Variants in WWTR1 observed in about 807,000 individuals in gnomAD.
WWTR1 encodes the protein WW domain containing transcription regulator 1, also known as WW domain-containing transcription regulator protein 1.
In WWTR1, 13 loss-of-function variants were observed where a neutral mutation model predicts 40.1. The ratio of observed to expected loss-of-function variants is 0.32; its 90% CI spans 0.21 to 0.52. The LOEUF is 0.52. Among genes scored for constraint, WWTR1 ranks in the 20% least tolerant of loss-of-function variants. The pLI, the probability that WWTR1 is intolerant of heterozygous loss-of-function variation, is 0.97. For synonymous variants in WWTR1, 230 were observed against 210.1 expected, an observed-to-expected ratio of 1.09 and a Z score of -0.82; for missense variants, 436 against 523.1, an observed-to-expected ratio of 0.83 and a Z score of 1.63.
upstream of WWTR1, among the ~76,000 whole-genome samples, chr3:149,705,079 T>C (rs181438706): frequency 3.9e-5 from 6 of 152,024 alleles, no homozygotes; most frequent in Non-Finnish European, 7.4e-5. Context: ...ACAGTTTATA[T>C]GATAAAGTTG....
At chr3:149,604,338 G>A (rs887007043) in intron 2 of WWTR1, among the ~76,000 whole-genome samples, 1 of 152,178 alleles carries the variant, frequency 6.6e-6, no homozygotes, top group Non-Finnish European at 1.5e-5. Flanking sequence ...GAAGGAGCTT[G>A]CACAGGACTT....
rs151197493 is a variant in WWTR1 at position 149,685,173 on chromosome 3, A to G, written c.-107-15282T>C. On this transcript the variant is annotated intron_variant, in intron 1 of 7. Coordinates refer to the WWTR1 transcript ENST00000465804. The stretch of plus-strand genomic sequence containing the variant: ...TACAAACCACTAATTTAGCTGTTCA[A>G]CCAGAACTCTCAGGACAAAGAATGG... 1.2e-4 allele frequency among the ~76,000 whole-genome samples: 19 copies of G among 152,250 alleles called. No individual in the cohort carries two copies. In the East Asian group the frequency reaches 3.3e-3, roughly 26 times the overall value.
At chr3:149,657,705 C>G (rs1713334458) in intron 1 of WWTR1, 60 bp downstream of exon 1, 2 of 184,824 alleles carry the variant, frequency 1.1e-5, no homozygotes, top group Admixed American at 1.1e-4. Flanking sequence ...TCCGGAAGCC[C>G]GAGGAGCCTG....
chr3:149,697,324 A>G (rs1715026855), intron 1 of WWTR1, among the ~76,000 whole-genome samples: 2 of 152,146 alleles, frequency 1.3e-5, no homozygotes, highest in Non-Finnish European at 2.9e-5. Flanking sequence ...AGTCTTTTAA[A>G]CAAACAGATC....
chr3:149,554,510 C>G (rs1402327653), intron 3 of WWTR1, among the ~76,000 whole-genome samples: 1 of 152,150 alleles, frequency 6.6e-6, no homozygotes, highest in Non-Finnish European at 1.5e-5. Context: ...TCTCCTTTTT[C>G]AGGTGTAAAA....
At chr3:149,639,514 T>C (rs1308577124) in intron 2 of WWTR1, among the ~76,000 whole-genome samples, 2 of 152,200 alleles carry the variant, frequency 1.3e-5, no homozygotes, top group Admixed American at 6.5e-5. Flanking sequence ...TAAAGTTACC[T>C]CTTCTATTTT....
intron 2 of WWTR1, among the ~76,000 whole-genome samples, chr3:149,603,545 T>TCC (rs1739346481): frequency 2.2e-5 from 3 of 136,654 alleles, no homozygotes; most frequent in African/African-American, 9.5e-5. Flanking sequence ...TTACAAAGGT[T>TCC]CCCCACCCCC....
intron 2 of WWTR1, among the ~76,000 whole-genome samples, chr3:149,631,575 C>T (rs1711552044): frequency 6.6e-6 from 1 of 152,198 alleles, no homozygotes; most frequent in African/African-American, 2.4e-5. Context: ...TCTGGCATAA[C>T]TACTTTCAGG....
intron 2 of WWTR1, among the ~76,000 whole-genome samples, chr3:149,618,203 T>C (rs1740096072): frequency 6.6e-6 from 1 of 152,190 alleles, no homozygotes; most frequent in African/African-American, 2.4e-5. Flanking sequence ...AATAAGACAT[T>C]CGAAGGACTG....
At chr3:149,629,984 C>T (rs1423916749) in intron 2 of WWTR1, among the ~76,000 whole-genome samples, 3 of 152,050 alleles carry the variant, frequency 2.0e-5, no homozygotes, top group East Asian at 3.9e-4. Context: ...GTAGCTGGGA[C>T]TACAGACACA....
chr3:149,657,525 T>G, intron 1 of WWTR1: 1 of 589,648 alleles, frequency 1.7e-6, no homozygotes, highest in Non-Finnish European at 2.9e-6. Flanking sequence ...TGCAACTTTC[T>G]TGAAGCAAAG....
At chr3:149,574,027 T>C (rs931667346) in intron 2 of WWTR1, among the ~76,000 whole-genome samples, 22 of 151,968 alleles carry the variant, frequency 1.4e-4, no homozygotes, top group African/African-American at 5.1e-4. Flanking sequence ...TTCTCCTCCT[T>C]CTCCTTCTTT....
At chr3:149,584,708 A>G (rs1738330554) in intron 2 of WWTR1, among the ~76,000 whole-genome samples, 1 of 152,196 alleles carries the variant, frequency 6.6e-6, no homozygotes, top group Non-Finnish European at 1.5e-5. Context: ...TGGCATCTTC[A>G]GTCGAAAATA....
intron 2 of WWTR1, among the ~76,000 whole-genome samples, chr3:149,639,052 A>T (rs947105175): frequency 6.6e-6 from 1 of 152,218 alleles, no homozygotes; most frequent in Non-Finnish European, 1.5e-5. Flanking sequence ...AAACAATGCC[A>T]CTTAAAGACA....
At chr3:149,696,523 A>G (rs1714996698) in intron 1 of WWTR1, among the ~76,000 whole-genome samples, 1 of 152,212 alleles carries the variant, frequency 6.6e-6, no homozygotes, top group Admixed American at 6.5e-5. Context: ...GGTTATAACA[A>G]TGCCCTGTAC....
At chr3:149,594,281 T>C (rs553125800) in intron 2 of WWTR1, among the ~76,000 whole-genome samples, 46 of 152,344 alleles carry the variant, frequency 3.0e-4, no homozygotes, top group African/African-American at 1.1e-3. Context: ...TCTGAACTTA[T>C]TCTGGTTTAG....
At chr3:149,540,213 C>T in intron 4 of WWTR1, 4 of 456,624 alleles carry the variant, frequency 8.8e-6, no homozygotes, top group South Asian at 6.2e-5. Context: ...TGCAATTGCT[C>T]ACTATGATGC....
At chr3:149,611,440 C>A (rs1470249285) in intron 2 of WWTR1, among the ~76,000 whole-genome samples, 1 of 152,190 alleles carries the variant, frequency 6.6e-6, no homozygotes, top group African/African-American at 2.4e-5. Context: ...GACCATGTGT[C>A]TGGCAAAGCC....
intron 3 of WWTR1, among the ~76,000 whole-genome samples, chr3:149,558,141 G>C (rs188165879): frequency 6.6e-6 from 1 of 152,200 alleles, no homozygotes; most frequent in East Asian, 1.9e-4. Flanking sequence ...TTGTAAACCT[G>C]TGAATGGGCC....
Sources: gnomAD v4.1 joint callset for allele counts (sites outside exome capture counted in the v4.1 genomes callset) on GRCh38, gnomAD v4.1.1 for gene constraint, MANE v1.5 for transcripts, NCBI Gene and HGNC (gene_info 2026-07-23, HGNC 2026-07-21) for gene names.